PTP4A1: variants seen among roughly 807,000 people sequenced by gnomAD.
PTP4A1 encodes the protein protein tyrosine phosphatase type IVA 1.
In PTP4A1, 9 loss-of-function variants were observed where a neutral mutation model predicts 20.5. That is an observed-to-expected ratio of 0.44 (90% confidence interval 0.26 to 0.77). The LOEUF (loss-of-function observed/expected upper bound fraction) is 0.77, where lower values mean the gene tolerates loss of function less well. Ranked by LOEUF, PTP4A1 falls within the 30% of genes least tolerant of loss-of-function variation. The pLI is 0.19. For missense variants in PTP4A1, 137 were observed against 218.8 expected (o/e 0.63, Z 2.36); for synonymous variants, 78 against 67.4 (o/e 1.16, Z -0.77).
intron 1 of PTP4A1, among the ~76,000 whole-genome samples, chr6:63,521,982 C>T (rs1432866096): frequency 2.0e-5 from 3 of 152,208 alleles, no homozygotes; most frequent in East Asian, 1.9e-4. Flanking sequence ...GGCACACACT[C>T]ATTTAGTGGC....
rs186543582 is a variant in PTP4A1, at chr6:63,533,530, A to G, written c.-640+5446A>G. Among the ~76,000 whole-genome samples the G allele has an allele frequency of 5.8e-3, 890 of 152,370 alleles. 4 individuals carry two copies. The highest frequency in any genetic ancestry group is 0.051 in the Middle Eastern group (15 of 294). ...GAGATTCACAGTGAGTTTGCTCAAGAAATAATGCTTACCAAACTATAGTAT... is the reference window on the plus strand; with the variant it reads ...GAGATTCACAGTGAGTTTGCTCAAGGAATAATGCTTACCAAACTATAGTAT... On this transcript the variant is annotated intron_variant, in intron 2 of 3. Transcript: ENST00000639568.
At chr6:63,572,343 C>G (rs1777486182), upstream of PTP4A1, 1 of 276,696 alleles carries the variant, frequency 3.6e-6, no homozygotes, top group East Asian at 6.1e-5. Context: ...GCGGCGGCCG[C>G]CGCGGAGTGA....
intron 2 of PTP4A1, chr6:63,549,500 T>C: frequency 1.3e-6 from 1 of 761,902 alleles, no homozygotes; most frequent in Non-Finnish European, 2.3e-6. Context: ...CCTTCTTTCC[T>C]TTCGGCAGGA....
Position 63,576,910 on chromosome 6 carries a change from G to T in PTP4A1, c.30G>T (p.Val10=). 6.2e-7 allele frequency: 1 copy of T among 1,613,574 alleles called. No individual in the cohort carries two copies. Among genetic ancestry groups the T allele is most frequent in the Middle Eastern group, 1.7e-4 (1 of 5,830 alleles). MARMNRPAP[V]EVTYKNMRFL... The stretch of plus-strand genomic sequence containing the variant: ...CTCGAATGAACCGCCCAGCTCCTGT[G>T]GAAGTCACATACAAGAACATGAGAT... Residue 10 remains valine (V), a synonymous_variant, in exon 2 of 6, where the codon GTG becomes GTT. Coordinates refer to ENST00000626021, the MANE Select transcript of PTP4A1 (RefSeq NM_003463.5).
Position 63,576,710 on chromosome 6 carries a change from T to C in PTP4A1, c.-171T>C. ...TATTACTGGATTGAAGAATTGCTGC[T>C]TCTTGTTAGGAGGTTCATTTCACTT... is the stretch of plus-strand genomic sequence containing the variant. On this transcript the variant is annotated 5_prime_UTR_variant, in exon 2 of 6. Coordinates refer to ENST00000626021, the MANE Select transcript of PTP4A1 (RefSeq NM_003463.5). The C allele has an allele frequency of 4.8e-6, 3 of 619,242 alleles. No homozygotes were observed. The highest frequency in any genetic ancestry group is 8.4e-6 in the Non-Finnish European group (3 of 355,086). 38.4% of individuals were successfully genotyped at this position (619,242 alleles called of 1,614,324 possible).
rs1239843024 is a variant in PTP4A1, at chr6:63,534,386, A to G, written c.-640+6302A>G. Among the ~76,000 whole-genome samples, 4 of 152,140 alleles carry G rather than the reference A, an allele frequency of 2.6e-5. No individual in the cohort carries two copies. In the East Asian group the frequency reaches 7.7e-4, roughly 29 times the overall value. Reference sequence around the variant, plus strand: ...GAGGACATTTGAATACAGAACTAGTAAACCTGATACATTTCTCCACTGAGT... The same window carrying G: ...GAGGACATTTGAATACAGAACTAGTGAACCTGATACATTTCTCCACTGAGT... On this transcript the variant is annotated intron_variant, in intron 2 of 3. Transcript: ENST00000639568.
At chr6:63,577,100 G>A in intron 2 of PTP4A1, 115 bp downstream of exon 2, 6 of 748,652 alleles carry the variant, frequency 8.0e-6, no homozygotes, top group Non-Finnish European at 1.3e-5. Context: ...TACAATTCCA[G>A]TTCCCAGAAA....
intron 2 of PTP4A1, among the ~76,000 whole-genome samples, chr6:63,537,688 T>C (rs548624421): frequency 2.0e-5 from 3 of 152,352 alleles, no homozygotes; most frequent in South Asian, 4.1e-4. Context: ...TCAGTCAAGG[T>C]TGATTAATTC....
upstream of PTP4A1, among the ~76,000 whole-genome samples, chr6:63,516,751 C>T (rs1311231513): frequency 1.3e-5 from 2 of 152,216 alleles, no homozygotes; most frequent in African/African-American, 4.8e-5. Flanking sequence ...ATGGCATGTG[C>T]TACTTCTGGG....
chr6:63,558,247 CAG>C (rs1456582824), intron 3 of PTP4A1, among the ~76,000 whole-genome samples: 1 of 151,744 alleles, frequency 6.6e-6, no homozygotes, highest in Non-Finnish European at 1.5e-5. Flanking sequence ...CAATACAACT[CAG>C]AAAATATTGT....
intron 1 of PTP4A1, among the ~76,000 whole-genome samples, chr6:63,576,114 C>A (rs2149513930): frequency 6.7e-6 from 1 of 149,222 alleles, no homozygotes; most frequent in East Asian, 1.9e-4. Flanking sequence ...AGTATATATA[C>A]AGAGAATATA....
chr6:63,523,014 G>T (rs1470993069), intron 1 of PTP4A1, among the ~76,000 whole-genome samples: 2 of 151,910 alleles, frequency 1.3e-5, no homozygotes, highest in Non-Finnish European at 2.9e-5. Context: ...ACAGGCATGT[G>T]CCACCACGCT....
chr6:63,556,549 G>A (rs1776695325), intron 3 of PTP4A1, among the ~76,000 whole-genome samples: 1 of 151,988 alleles, frequency 6.6e-6, no homozygotes, highest in Non-Finnish European at 1.5e-5. Context: ...TTTTTCTCAG[G>A]GCGTGGTTTC....
intron 1 of PTP4A1, among the ~76,000 whole-genome samples, chr6:63,574,445 A>C (rs1410430250): frequency 2.6e-5 from 4 of 152,154 alleles, no homozygotes; most frequent in Admixed American, 6.5e-5. Context: ...GCGGAACAGA[A>C]ATCTATCGGT....
chr6:63,531,831 CTT>C (rs142176912), intron 2 of PTP4A1, among the ~76,000 whole-genome samples: 9 of 144,210 alleles, frequency 6.2e-5, no homozygotes, highest in Non-Finnish European at 9.2e-5. Context: ...GCCACATACA[CTT>C]TTTTTTTTTT....
At chr6:63,574,180 G>A (rs1777696953) in intron 1 of PTP4A1, among the ~76,000 whole-genome samples, 1 of 152,160 alleles carries the variant, frequency 6.6e-6, no homozygotes, top group Non-Finnish European at 1.5e-5. Context: ...TGCTTTCTTA[G>A]GTGCCCTAAG....
intron 2 of PTP4A1, among the ~76,000 whole-genome samples, chr6:63,537,391 A>G (rs545904854): frequency 2.0e-5 from 3 of 152,352 alleles, no homozygotes; most frequent in South Asian, 4.1e-4. Context: ...AAACCATATT[A>G]GTAACACCTG....
chr6:63,574,601 A>T (rs774122801), intron 1 of PTP4A1, among the ~76,000 whole-genome samples: 3 of 152,242 alleles, frequency 2.0e-5, no homozygotes, highest in Non-Finnish European at 4.4e-5. Context: ...GGATATGGCC[A>T]GACTAGGTTG....
intron 1 of PTP4A1, among the ~76,000 whole-genome samples, chr6:63,523,069 T>C (rs918169148): frequency 6.6e-5 from 10 of 151,986 alleles, no homozygotes; most frequent in Non-Finnish European, 2.9e-5. Context: ...TTCACCTTTT[T>C]TGGCCAGGCT....
Sources: gnomAD v4.1 joint callset for allele counts (sites outside exome capture counted in the v4.1 genomes callset) on GRCh38, gnomAD v4.1.1 for gene constraint, MANE v1.5 for transcripts, NCBI Gene and HGNC (gene_info 2026-07-23, HGNC 2026-07-21) for gene names.